The following ZNF385B variants were observed in gnomAD, a reference collection of about 807,000 sequenced individuals.
The protein encoded by ZNF385B is zinc finger protein 533.
A neutral mutation model predicts 39.2 loss-of-function variants in ZNF385B; 23 were observed. The ratio of observed to expected loss-of-function variants is 0.59; its 90% confidence interval spans 0.42 to 0.83. ZNF385B has a LOEUF of 0.83. Among genes scored for constraint, ZNF385B ranks in the 40% least tolerant of loss-of-function variants. ZNF385B has a pLI of 0.00. For missense variants in ZNF385B, 552 were observed against 598.9 expected, an observed-to-expected ratio of 0.92 and a Z score of 0.82; for synonymous variants, 205 against 222.6, an observed-to-expected ratio of 0.92 and a Z score of 0.70.
chr2:179,774,157 A>G (rs1353598751), intron 1 of ZNF385B, among the ~76,000 whole-genome samples: 1 of 150,550 alleles, frequency 6.6e-6, no homozygotes, highest in African/African-American at 2.4e-5. Flanking sequence ...GATGTGTATG[A>G]ATGTGGTGTG....
intron 3 of ZNF385B, among the ~76,000 whole-genome samples, chr2:179,757,042 A>G (rs929122988): frequency 3.9e-5 from 6 of 151,958 alleles, no homozygotes; most frequent in Non-Finnish European, 8.8e-5. Context: ...AGGTGCTCTG[A>G]TTTTTAGAAT....
At chr2:179,497,134 T>A (rs2056302656) in intron 5 of ZNF385B, among the ~76,000 whole-genome samples, 1 of 152,190 alleles carries the variant, frequency 6.6e-6, no homozygotes, top group East Asian at 1.9e-4. Flanking sequence ...AGATCAGACC[T>A]ATTCTGTAAG....
intron 1 of ZNF385B, among the ~76,000 whole-genome samples, chr2:179,842,372 T>G (rs779107699): frequency 3.9e-5 from 6 of 152,216 alleles, no homozygotes; most frequent in Non-Finnish European, 7.3e-5. Flanking sequence ...CTGGTCTCTT[T>G]GCATGCAGTC....
intron 5 of ZNF385B, among the ~76,000 whole-genome samples, chr2:179,493,397 A>ATACATATATGTACACAAATGCATGTG (rs2055468017): frequency 6.6e-6 from 1 of 151,660 alleles, no homozygotes; most frequent in African/African-American, 2.4e-5. Flanking sequence ...ATATGTATGC[A>ATACATATATGTACACAAATGCATGTG]TACATATATG....
At chr2:179,556,062 C>A (rs1310898872) in intron 3 of ZNF385B, among the ~76,000 whole-genome samples, 3 of 148,818 alleles carry the variant, frequency 2.0e-5, no homozygotes, top group African/African-American at 7.6e-5. Flanking sequence ...CCAGCTTTTA[C>A]ACAAAACGAT....
chr2:179,659,989 A>G (rs538912115), intron 3 of ZNF385B: 1 of 152,784 alleles, frequency 6.5e-6, no homozygotes, highest in South Asian at 2.1e-4. Flanking sequence ...TGAAATCTGT[A>G]TAACTCTGGA....
At chr2:179,522,935 G>A (rs940840234) in intron 4 of ZNF385B, 2 of 416,976 alleles carry the variant, frequency 4.8e-6, no homozygotes, top group Non-Finnish European at 9.8e-6. Flanking sequence ...AAAAGTAAAA[G>A]TTAGAAGCAG....
chr2:179,708,182 G>A (rs761797508), intron 3 of ZNF385B, among the ~76,000 whole-genome samples: 3 of 152,216 alleles, frequency 2.0e-5, no homozygotes, highest in Non-Finnish European at 2.9e-5. Context: ...ATCCCCACAT[G>A]TCGAGGGAGG....
chr2:179,522,861 C>T (rs1289674512), intron 4 of ZNF385B: 1 of 442,190 alleles, frequency 2.3e-6, no homozygotes, highest in Non-Finnish European at 4.6e-6. Flanking sequence ...TCACATAGAT[C>T]TAGCTACCAA....
chr2:179,655,551 A>C (rs970561068), intron 3 of ZNF385B, among the ~76,000 whole-genome samples: 1 of 151,970 alleles, frequency 6.6e-6, no homozygotes, highest in African/African-American at 2.4e-5. Flanking sequence ...CAAATCACAA[A>C]AGCAGAATAA....
chr2:179,639,191 G>A (rs978114854), intron 3 of ZNF385B, among the ~76,000 whole-genome samples: 1 of 132,554 alleles, frequency 7.5e-6, no homozygotes, highest in East Asian at 2.3e-4. Context: ...TGGTGCCGCT[G>A]TACTCCAGTC....
chr2:179,541,300 T>C (rs1172926103), intron 4 of ZNF385B, among the ~76,000 whole-genome samples: 1 of 152,218 alleles, frequency 6.6e-6, no homozygotes, highest in African/African-American at 2.4e-5. Context: ...CCATGAAGCA[T>C]ATTTCTTCAT....
intron 3 of ZNF385B, among the ~76,000 whole-genome samples, chr2:179,700,322 A>G (rs1699091670): frequency 6.6e-6 from 1 of 152,170 alleles, no homozygotes; most frequent in Non-Finnish European, 1.5e-5. Context: ...TCCACATTCC[A>G]TCGCTCGTAT....
intron 3 of ZNF385B, among the ~76,000 whole-genome samples, chr2:179,691,473 A>G (rs1698347637): frequency 6.6e-6 from 1 of 152,212 alleles, no homozygotes; most frequent in Non-Finnish European, 1.5e-5. Flanking sequence ...TTCAATAAAT[A>G]TTTACCAAAT....
chr2:179,686,942 T>G (rs748483033), intron 3 of ZNF385B, among the ~76,000 whole-genome samples: 2 of 148,308 alleles, frequency 1.3e-5, no homozygotes, highest in South Asian at 2.2e-4. Flanking sequence ...GGTAACTGAC[T>G]AGCCTAGCCA....
At chr2:179,843,330 T>C (rs561186781) in intron 1 of ZNF385B, among the ~76,000 whole-genome samples, 1 of 152,278 alleles carries the variant, frequency 6.6e-6, no homozygotes, top group East Asian at 1.9e-4. Context: ...TCACAGCCAA[T>C]CACCCTTCCA....
chr2:179,683,764 C>T (rs1052561969), intron 3 of ZNF385B, among the ~76,000 whole-genome samples: 8 of 152,144 alleles, frequency 5.3e-5, no homozygotes, highest in Non-Finnish European at 1.0e-4. Context: ...GCGTGAGCCA[C>T]GGTGCCTGGC....
At chr2:179,605,110 CA>C (rs1441386189) in intron 3 of ZNF385B, among the ~76,000 whole-genome samples, 2 of 151,982 alleles carry the variant, frequency 1.3e-5, no homozygotes, top group African/African-American at 4.8e-5. Flanking sequence ...TTAAAACACA[CA>C]ATATGATTTT....
intron 1 of ZNF385B, among the ~76,000 whole-genome samples, chr2:179,823,790 T>C (rs189054713): frequency 4.4e-4 from 67 of 152,312 alleles, no homozygotes; most frequent in African/African-American, 1.6e-3. Context: ...CTGTCAATCA[T>C]TGAAATAGCA....
Sources: allele counts gnomAD v4.1 joint callset (sites outside exome capture counted in the v4.1 genomes callset), GRCh38; gene constraint gnomAD v4.1.1; transcripts MANE v1.5; gene names NCBI Gene and HGNC (gene_info 2026-07-23, HGNC 2026-07-21).